The following ARHGEF26 variants were observed in gnomAD, a reference collection of about 807,000 sequenced individuals.
The protein encoded by ARHGEF26 is Rho guanine nucleotide exchange factor 26, also known as Rho guanine nucleotide exchange factor (GEF) 26.
A neutral mutation model predicts 89.4 loss-of-function variants in ARHGEF26; 59 were observed. That is an observed-to-expected ratio of 0.66 (90% CI 0.54 to 0.82). The LOEUF is 0.82. ARHGEF26 is among the 40% of genes least tolerant of loss of function. The pLI is 0.00. For missense variants in ARHGEF26, 1,234 were observed against 1,085.6 expected, an observed-to-expected ratio of 1.14 and a Z score of -1.92; for synonymous variants, 500 against 428.4, an observed-to-expected ratio of 1.17 and a Z score of -2.06.
At chr3:154,230,773 A>G (rs1030975108) in intron 11 of ARHGEF26, among the ~76,000 whole-genome samples, 6 of 152,182 alleles carry the variant, frequency 3.9e-5, no homozygotes, top group Non-Finnish European at 7.4e-5. Flanking sequence ...TCTAGGTTTT[A>G]TAAAAAGGTT....
Position 154,194,705 on chromosome 3 carries a change from A to C in ARHGEF26, c.1832A>C (p.Lys611Thr). 1.2e-6 allele frequency: 2 copies of C among 1,612,484 alleles called. No individual in the cohort carries two copies. Among genetic ancestry groups the C allele is most frequent in the Non-Finnish European group, 1.7e-6 (2 of 1,179,250 alleles). ...TATGAAGTCTGCAAAAGAGCCTTGA[A>C]GGAAGTTAGCAAGGTAACTGTTGGG... Reference protein sequence around the residue: ...PKYEVCKRALKEVSKLVRLCN... With the variant: ...PKYEVCKRALTEVSKLVRLCN... The change falls in exon 9 of 15, where the codon AAG (lysine) becomes ACG (threonine). Residue 611 changes from lysine to threonine, a missense_variant. Lys to Thr is a moderately conservative substitution (Grantham distance 78, BLOSUM62 -1). Transcript: ENST00000465093.
chr3:154,127,699 A>G (rs973735414), intron 3 of ARHGEF26, among the ~76,000 whole-genome samples: 3 of 151,382 alleles, frequency 2.0e-5, no homozygotes, highest in African/African-American at 7.3e-5. Flanking sequence ...GTTTATTATC[A>G]TTATCAAGTA....
intron 12 of ARHGEF26, among the ~76,000 whole-genome samples, chr3:154,243,125 TCTC>T (rs554889170): frequency 1.5e-4 from 23 of 152,136 alleles, no homozygotes; most frequent in Non-Finnish European, 3.2e-4. Flanking sequence ...TGGGGAAACT[TCTC>T]CTCAAAACAG....
chr3:154,135,854 G>GT (rs1340244630), intron 4 of ARHGEF26, among the ~76,000 whole-genome samples: 2 of 152,110 alleles, frequency 1.3e-5, no homozygotes, highest in East Asian at 3.8e-4. Context: ...GCTTTTCACT[G>GT]TAAGTACCCC....
intron 10 of ARHGEF26, among the ~76,000 whole-genome samples, chr3:154,220,998 A>G (rs528005018): frequency 3.4e-4 from 52 of 152,306 alleles, no homozygotes; most frequent in Middle Eastern, 3.4e-3. Flanking sequence ...GCCAAGGAGC[A>G]CCAAAGATTG....
At chr3:154,201,328 T>G (rs1400196879) in intron 9 of ARHGEF26, among the ~76,000 whole-genome samples, 1 of 152,152 alleles carries the variant, frequency 6.6e-6, no homozygotes, top group Non-Finnish European at 1.5e-5. Flanking sequence ...ACAAAGGACA[T>G]GAACTCATCA....
chr3:154,208,318 G>A (rs973147780), intron 9 of ARHGEF26, among the ~76,000 whole-genome samples: 1 of 152,124 alleles, frequency 6.6e-6, no homozygotes, highest in African/African-American at 2.4e-5. Flanking sequence ...CAAAGTACTG[G>A]GATTACAGGT....
At chr3:154,158,545 A>C (rs1711504715) in intron 6 of ARHGEF26, among the ~76,000 whole-genome samples, 1 of 152,094 alleles carries the variant, frequency 6.6e-6, no homozygotes, top group South Asian at 2.1e-4. Context: ...TCAGGGAAAA[A>C]GGCTTTGACT....
At chr3:154,205,594 C>T (rs1241176047) in intron 9 of ARHGEF26, among the ~76,000 whole-genome samples, 1 of 151,984 alleles carries the variant, frequency 6.6e-6, no homozygotes, top group Non-Finnish European at 1.5e-5. Flanking sequence ...TCCTTCTTTC[C>T]TTCCTTTTTG....
intron 5 of ARHGEF26, among the ~76,000 whole-genome samples, chr3:154,150,318 T>C (rs1719946829): frequency 6.6e-6 from 1 of 152,128 alleles, no homozygotes; most frequent in Non-Finnish European, 1.5e-5. Flanking sequence ...AAACTGATAG[T>C]GTAGAAGGCC....
intron 3 of ARHGEF26, among the ~76,000 whole-genome samples, chr3:154,127,430 C>T (rs1718398772): frequency 1.3e-5 from 2 of 152,012 alleles, no homozygotes; most frequent in African/African-American, 4.8e-5. Flanking sequence ...ATGCATTAGC[C>T]TAGGCCTGCA....
At chr3:154,136,900 G>A (rs1719044419) in intron 4 of ARHGEF26, among the ~76,000 whole-genome samples, 1 of 152,042 alleles carries the variant, frequency 6.6e-6, no homozygotes, top group South Asian at 2.1e-4. Flanking sequence ...ATAAGATATG[G>A]AAAATTATTT....
chr3:154,182,607 A>T (rs183013980), intron 6 of ARHGEF26, among the ~76,000 whole-genome samples: 8 of 152,172 alleles, frequency 5.3e-5, no homozygotes, highest in Non-Finnish European at 1.2e-4. Flanking sequence ...AGACCATTCA[A>T]CATTAATCTT....
intron 6 of ARHGEF26, among the ~76,000 whole-genome samples, chr3:154,170,838 C>A (rs913888658): frequency 1.3e-5 from 2 of 152,118 alleles, no homozygotes; most frequent in African/African-American, 4.8e-5. Flanking sequence ...AAAGATATCC[C>A]AATTTGGAGG....
intron 6 of ARHGEF26, among the ~76,000 whole-genome samples, chr3:154,157,615 A>G (rs1711498831): frequency 6.6e-6 from 1 of 152,106 alleles, no homozygotes; most frequent in Admixed American, 6.6e-5. Flanking sequence ...TAGGGTGGAA[A>G]CTGACAGGGG....
rs201024945 is a variant in ARHGEF26 at position 154,129,718 on chromosome 3, C to G, written c.1268C>G (p.Ala423Gly). ...PLRSTWSQLS[A>G]VKRKGLSQTV... is the part of the protein sequence containing the mutation. ...AGATCCACATGGAGCCAACTCTCTGCGGTGAGTGTTTATCTTCTTTTCTAT... is the reference window on the plus strand; with the variant it reads ...AGATCCACATGGAGCCAACTCTCTGGGGTGAGTGTTTATCTTCTTTTCTAT... The change falls in exon 4 of 15, where the codon GCG becomes GGG. Residue 423 changes from alanine to glycine, a missense_variant and splice_region_variant. Ala to Gly is a moderately conservative substitution (Grantham distance 60, BLOSUM62 0). Coordinates refer to ENST00000465093, the MANE Select transcript of ARHGEF26 (RefSeq NM_015595.4). The G allele has an allele frequency of 6.2e-7, 1 of 1,609,354 alleles. No individual in the cohort carries two copies. Among genetic ancestry groups the G allele is most frequent in the East Asian group, 2.2e-5 (1 of 44,816 alleles).
chr3:154,146,722 G>A (rs1719727368), intron 4 of ARHGEF26, among the ~76,000 whole-genome samples: 1 of 152,174 alleles, frequency 6.6e-6, no homozygotes, highest in African/African-American at 2.4e-5. Flanking sequence ...AGGCACAGAT[G>A]TATGCTTATA....
intron 9 of ARHGEF26, among the ~76,000 whole-genome samples, chr3:154,209,477 A>G (rs1715231237): frequency 1.3e-5 from 2 of 152,224 alleles, no homozygotes; most frequent in Non-Finnish European, 1.5e-5. Context: ...GGGGCACCCA[A>G]AGCCCAGTAA....
intron 5 of ARHGEF26, among the ~76,000 whole-genome samples, chr3:154,150,866 A>G (rs1374589194): frequency 6.6e-6 from 1 of 152,204 alleles, no homozygotes; most frequent in African/African-American, 2.4e-5. Context: ...TATATATAAC[A>G]GGTCTAACCT....
Sources: gnomAD v4.1 joint callset for allele counts (sites outside exome capture counted in the v4.1 genomes callset) on GRCh38, gnomAD v4.1.1 for gene constraint, MANE v1.5 for transcripts, NCBI Gene and HGNC (gene_info 2026-07-23, HGNC 2026-07-21) for gene names.